Variants in MDGA2 observed in about 807,000 individuals in gnomAD.
MDGA2 encodes the protein MAM domain containing glycosylphosphatidylinositol anchor 2, also known as MAM domain-containing glycosylphosphatidylinositol anchor protein 2.
MDGA2 carries 40 observed loss-of-function variants against 117.8 expected under a neutral mutation model. That is an observed-to-expected ratio of 0.34 (90% CI 0.26 to 0.44). The LOEUF is 0.44. Ranked by LOEUF, MDGA2 falls within the 20% of genes least tolerant of loss-of-function variation. MDGA2 has a pLI of 1.00. For synonymous variants in MDGA2, 452 were observed against 439.0 expected, an observed-to-expected ratio of 1.03 and a Z score of -0.37; for missense variants, 1,123 against 1,250.6, an observed-to-expected ratio of 0.90 and a Z score of 1.54.
At chr14:47,418,886 C>T (rs564670613) in intron 1 of MDGA2, among the ~76,000 whole-genome samples, 2 of 152,216 alleles carry the variant, frequency 1.3e-5, no homozygotes, top group South Asian at 4.2e-4. Flanking sequence ...TCAGTAAACA[C>T]TGTTGATACT....
At chr14:46,945,831 T>A (rs891336631) in intron 9 of MDGA2, among the ~76,000 whole-genome samples, 1 of 152,084 alleles carries the variant, frequency 6.6e-6, no homozygotes, top group African/African-American at 2.4e-5. Context: ...GTTTGTCCAA[T>A]TTTATGGTCG....
intron 1 of MDGA2, among the ~76,000 whole-genome samples, chr14:47,632,459 C>G (rs1897259045): frequency 6.6e-6 from 1 of 152,136 alleles, no homozygotes; most frequent in Non-Finnish European, 1.5e-5. Flanking sequence ...TTTGTTCATT[C>G]CCTCTACTCC....
At chr14:47,463,830 C>T (rs1893542736) in intron 1 of MDGA2, among the ~76,000 whole-genome samples, 1 of 151,826 alleles carries the variant, frequency 6.6e-6, no homozygotes, top group Admixed American at 6.6e-5. Flanking sequence ...GATTGCTTTC[C>T]TATAATAATG....
At chr14:47,187,398 A>G (rs1301637647) in intron 3 of MDGA2, among the ~76,000 whole-genome samples, 1 of 152,068 alleles carries the variant, frequency 6.6e-6, no homozygotes, top group East Asian at 1.9e-4. Flanking sequence ...AGTGCAAGAT[A>G]TAATTTCTTC....
At chr14:47,442,562 A>G (rs1279682597) in intron 1 of MDGA2, among the ~76,000 whole-genome samples, 4 of 152,084 alleles carry the variant, frequency 2.6e-5, no homozygotes, top group Non-Finnish European at 5.9e-5. Context: ...TATCCTCACA[A>G]TGATTCTACC....
chr14:46,988,277 C>G (rs1450129681), intron 8 of MDGA2, among the ~76,000 whole-genome samples: 1 of 151,644 alleles, frequency 6.6e-6, no homozygotes, highest in Non-Finnish European at 1.5e-5. Context: ...AGCAGAGTTA[C>G]TAAGAATTTA....
chr14:46,979,879 G>T (rs1006716689), intron 8 of MDGA2, among the ~76,000 whole-genome samples: 6 of 152,282 alleles, frequency 3.9e-5, no homozygotes, highest in African/African-American at 1.4e-4. Context: ...TAAGGTTATT[G>T]ATAAAGGTGG....
chr14:46,868,197 G>A (rs7150400), intron 14 of MDGA2, among the ~76,000 whole-genome samples: 5,486 of 151,814 alleles, frequency 0.036, 344 homozygotes, highest in African/African-American at 0.13. Context: ...GGAGTTTTGG[G>A]AACAAAAGGA....
intron 1 of MDGA2, among the ~76,000 whole-genome samples, chr14:47,466,755 T>C (rs1566471500): frequency 6.6e-6 from 1 of 152,112 alleles, no homozygotes; most frequent in Non-Finnish European, 1.5e-5. Flanking sequence ...TGAGGCTTTC[T>C]GTACATACAC....
chr14:47,227,380 T>C (rs1886543621), intron 2 of MDGA2, among the ~76,000 whole-genome samples: 1 of 152,174 alleles, frequency 6.6e-6, no homozygotes, highest in South Asian at 2.1e-4. Flanking sequence ...CCAATTTATT[T>C]GCAGTGTCAG....
chr14:47,586,962 C>A (rs1462299723), intron 1 of MDGA2, among the ~76,000 whole-genome samples: 1 of 151,900 alleles, frequency 6.6e-6, no homozygotes, highest in Non-Finnish European at 1.5e-5. Flanking sequence ...GTACCTTAGA[C>A]TTAACTACAA....
chr14:47,649,544 G>A (rs1359435701), intron 1 of MDGA2, among the ~76,000 whole-genome samples: 1 of 152,080 alleles, frequency 6.6e-6, no homozygotes, highest in Admixed American at 6.6e-5. Flanking sequence ...AATTACCTGA[G>A]CATGGAGACA....
At chr14:47,070,011 C>T (rs1008168308) in intron 6 of MDGA2, among the ~76,000 whole-genome samples, 6 of 151,872 alleles carry the variant, frequency 4.0e-5, no homozygotes, top group African/African-American at 1.5e-4. Context: ...ATTTCTTTTT[C>T]TTTTTTTGGG....
chr14:47,481,553 TGCC>T lies in MDGA2; in HGVS notation c.281-180006_281-180004del, dbSNP rs200361229. Among the ~76,000 whole-genome samples the T allele has an allele frequency of 4.2e-3, 638 of 152,136 alleles. 5 individuals carry two copies. The highest frequency in any genetic ancestry group is 0.015 in the African/African-American group (607 of 41,548). ...CTCTGCTTCAAAAATATCCAATCTT[TGCC>T]TACAGACAAAAGTAATCAAATTATA... On this transcript the variant is annotated intron_variant, in intron 1 of 16. Coordinates refer to ENST00000399232, the MANE Select transcript of MDGA2 (RefSeq NM_001113498.3).
intron 9 of MDGA2, among the ~76,000 whole-genome samples, chr14:46,931,963 T>C (rs914416131): frequency 1.3e-5 from 2 of 151,862 alleles, no homozygotes; most frequent in Admixed American, 6.6e-5. Flanking sequence ...AAAATATCGA[T>C]GGAATAACAA....
chr14:47,673,880 TC>T (rs1364750611), intron 1 of MDGA2, among the ~76,000 whole-genome samples: 1 of 151,692 alleles, frequency 6.6e-6, no homozygotes, highest in Non-Finnish European at 1.5e-5. Context: ...GACTTAGCAG[TC>T]CGTTCATTCA....
intron 2 of MDGA2, among the ~76,000 whole-genome samples, chr14:47,240,045 AG>A (rs1566697253): frequency 6.6e-6 from 1 of 151,538 alleles, no homozygotes. Context: ...GGTTAGAAAC[AG>A]TTTTTGCTGT....
intron 3 of MDGA2, among the ~76,000 whole-genome samples, chr14:47,205,784 A>T (rs1351567869): frequency 6.6e-6 from 1 of 151,990 alleles, no homozygotes; most frequent in South Asian, 2.1e-4. Flanking sequence ...TTAGCTTAGC[A>T]TTTCAGCTAC....
At chr14:47,190,048 G>A (rs879709251) in intron 3 of MDGA2, among the ~76,000 whole-genome samples, 12 of 152,276 alleles carry the variant, frequency 7.9e-5, no homozygotes, top group Admixed American at 7.9e-4. Context: ...GCATCTTACA[G>A]AAGTGCTCAG....
Sources: allele counts gnomAD v4.1 joint callset (sites outside exome capture counted in the v4.1 genomes callset), GRCh38; gene constraint gnomAD v4.1.1; transcripts MANE v1.5; gene names NCBI Gene and HGNC (gene_info 2026-07-23, HGNC 2026-07-21).